The following LAMA4 variants were observed in gnomAD, a reference collection of about 807,000 sequenced individuals.
LAMA4 encodes laminin subunit alpha-4.
LAMA4 carries 127 observed loss-of-function variants against 207.1 expected under a neutral mutation model. That is an observed-to-expected ratio of 0.61 (90% CI 0.53 to 0.71). The LOEUF (loss-of-function observed/expected upper bound fraction) is 0.71. Ranked by LOEUF, LAMA4 falls within the 30% of genes least tolerant of loss-of-function variation. The probability of loss-of-function intolerance (pLI) is 0.00; values close to 1 mark genes in which losing one functional copy is unlikely to be tolerated. For missense variants in LAMA4, 2,093 were observed against 2,246.5 expected, an observed-to-expected ratio of 0.93 and a Z score of 1.38; for synonymous variants, 761 against 816.0, an observed-to-expected ratio of 0.93 and a Z score of 1.15.
chr6:112,178,111 A>G lies in LAMA4; in HGVS notation c.1189+10T>C, dbSNP rs782548800. The G allele has an allele frequency of 1.1e-5, 17 of 1,565,884 alleles. No homozygotes were observed. The highest frequency in any genetic ancestry group is 1.7e-5 in the Admixed American group (1 of 59,956). The stretch of plus-strand genomic sequence containing the variant: ...TGATATTAAACTGAACCAGAAGAGA[A>G]TATATTTACCTTGGATTTTATCCCT... On this transcript the variant is annotated intron_variant, in intron 10 of 38. Coordinates refer to ENST00000230538, the MANE Select transcript of LAMA4 (RefSeq NM_001105206.3).
At chr6:112,153,548 C>T (rs920233925) in intron 16 of LAMA4, among the ~76,000 whole-genome samples, 24 of 152,098 alleles carry the variant, frequency 1.6e-4, no homozygotes, top group African/African-American at 4.3e-4. Flanking sequence ...AGAAAAGTTG[C>T]TTTTATGAGG....
intron 27 of LAMA4, 87 bp downstream of exon 27, chr6:112,133,262 C>T (rs1779147315): frequency 2.1e-6 from 3 of 1,418,326 alleles, no homozygotes; most frequent in Admixed American, 3.4e-5. Flanking sequence ...TACCTAGGAT[C>T]AGAGAGAAGC....
At chr6:112,204,107 G>C (rs1342999180) in intron 4 of LAMA4, among the ~76,000 whole-genome samples, 2 of 152,128 alleles carry the variant, frequency 1.3e-5, no homozygotes, top group African/African-American at 4.8e-5. Flanking sequence ...TGATTCAAAA[G>C]GTAAAGGGTC....
In LAMA4 at chr6:112,117,733, T is replaced by C; in HGVS notation, c.4981+6A>G. On this transcript the variant is annotated splice_donor_region_variant and intron_variant, in intron 35 of 38. Transcript: ENST00000230538. The surrounding 1 kb of genome is among the most constrained non-coding windows in gnomAD (Gnocchi z 4.5). ...TGACTCATATTTTTAACATGACTAA[T>C]GTTACCTAGAACCACGTATCCTCCT... 1 of 1,612,460 alleles carries C rather than the reference T, an allele frequency of 6.2e-7. No individual in the cohort carries two copies. The highest frequency in any genetic ancestry group is 1.1e-5 in the South Asian group (1 of 90,968).
intron 18 of LAMA4, among the ~76,000 whole-genome samples, chr6:112,146,563 A>G (rs1290691851): frequency 2.0e-5 from 3 of 152,136 alleles, no homozygotes; most frequent in Non-Finnish European, 2.9e-5. Context: ...AGTATTTGAG[A>G]ACCATTGGCT....
chr6:112,146,247 A>T (rs1254552749), intron 18 of LAMA4, among the ~76,000 whole-genome samples: 2 of 151,964 alleles, frequency 1.3e-5, no homozygotes, highest in Non-Finnish European at 2.9e-5. Context: ...CCAAGATCGC[A>T]CCACTGCACT....
chr6:112,150,664 CA>C, intron 16 of LAMA4, 37 bp from the exon 17 acceptor site: 1 of 1,409,208 alleles, frequency 7.1e-7, no homozygotes, highest in African/African-American at 1.4e-5. Flanking sequence ...CTAGTGGAGC[CA>C]AGATGCCTCG....
At chr6:112,226,935 T>C (rs782571342) in intron 2 of LAMA4, among the ~76,000 whole-genome samples, 22 of 152,102 alleles carry the variant, frequency 1.4e-4, no homozygotes, top group Non-Finnish European at 2.8e-4. Flanking sequence ...GGGATACACA[T>C]ATATAAAGAA....
chr6:112,227,316 G>T (rs527995553), intron 2 of LAMA4, among the ~76,000 whole-genome samples: 19 of 152,036 alleles, frequency 1.2e-4, no homozygotes, highest in African/African-American at 3.6e-4. Flanking sequence ...TGATCCACCC[G>T]CCTCGGCCTC....
intron 7 of LAMA4, among the ~76,000 whole-genome samples, chr6:112,188,445 CATCTTCTAAGATGTA>C (rs1782823059): frequency 6.6e-6 from 1 of 152,192 alleles, no homozygotes; most frequent in Non-Finnish European, 1.5e-5. Flanking sequence ...CATCCTATGG[CATCTTCTAAGATGTA>C]ATCCAATGGT....
At chr6:112,246,427 T>A (rs1345131374) in intron 2 of LAMA4, among the ~76,000 whole-genome samples, 1 of 152,114 alleles carries the variant, frequency 6.6e-6, no homozygotes, top group African/African-American at 2.4e-5. Flanking sequence ...AGGGGAGTGT[T>A]TTTGGCATTT....
At chr6:112,202,717 C>A (rs1438569206) in intron 4 of LAMA4, among the ~76,000 whole-genome samples, 2 of 152,210 alleles carry the variant, frequency 1.3e-5, no homozygotes, top group South Asian at 4.1e-4. Context: ...AACATTCCAA[C>A]AGAATTACAT....
At chr6:112,208,795 C>T (rs1185273997) in intron 3 of LAMA4, among the ~76,000 whole-genome samples, 2 of 152,124 alleles carry the variant, frequency 1.3e-5, no homozygotes, top group African/African-American at 2.4e-5. Context: ...TTTGATCAGC[C>T]ATTAGGTATG....
chr6:112,174,448 TG>T (rs1554342956), intron 11 of LAMA4, among the ~76,000 whole-genome samples: 1 of 152,242 alleles, frequency 6.6e-6, no homozygotes, highest in East Asian at 1.9e-4. Context: ...CATGAAAGCA[TG>T]AGCAATAAAT....
intron 36 of LAMA4, among the ~76,000 whole-genome samples, chr6:112,115,193 G>A (rs1351617075): frequency 6.6e-6 from 1 of 152,130 alleles, no homozygotes; most frequent in Non-Finnish European, 1.5e-5. Flanking sequence ...GATTAAATGA[G>A]TTAATCTAGG....
At chr6:112,223,363 T>G (rs1785030250) in intron 2 of LAMA4, among the ~76,000 whole-genome samples, 1 of 152,186 alleles carries the variant, frequency 6.6e-6, no homozygotes, top group East Asian at 1.9e-4. Context: ...CCTTAGCTAC[T>G]TAGAAGGAAT....
At chr6:112,240,100 T>C (rs1173687577) in intron 2 of LAMA4, among the ~76,000 whole-genome samples, 2 of 152,204 alleles carry the variant, frequency 1.3e-5, no homozygotes, top group African/African-American at 4.8e-5. Context: ...TTTTCATTGT[T>C]AAATTTCCTT....
At chr6:112,211,555 C>T (rs1213427395) in intron 3 of LAMA4, among the ~76,000 whole-genome samples, 1 of 152,034 alleles carries the variant, frequency 6.6e-6, no homozygotes, top group Non-Finnish European at 1.5e-5. Context: ...AGAGACAGGT[C>T]AACAAAGAAC....
intron 32 of LAMA4, chr6:112,121,764 C>T (rs782373580): frequency 4.8e-6 from 2 of 417,962 alleles, no homozygotes; most frequent in Non-Finnish European, 8.9e-6. Context: ...CCTTGATTGT[C>T]TTTTCTTTTT....
Sources: gnomAD v4.1 joint callset for allele counts (sites outside exome capture counted in the v4.1 genomes callset) on GRCh38, gnomAD v4.1.1 for gene constraint, Gnocchi (gnomAD v3.1) non-coding constraint, MANE v1.5 for transcripts, NCBI Gene and HGNC (gene_info 2026-07-23, HGNC 2026-07-21) for gene names.